PRKDC: variants seen among roughly 807,000 people sequenced by gnomAD.
PRKDC encodes DNA-dependent protein kinase catalytic subunit.
PRKDC carries 82 observed loss-of-function variants against 486.9 expected under a neutral mutation model. That is an observed-to-expected ratio of 0.17 (90% CI 0.14 to 0.20). PRKDC has a LOEUF of 0.20. PRKDC is among the 10% of genes least tolerant of loss of function. The probability of loss-of-function intolerance (pLI) is 1.00; values close to 1 mark genes in which losing one functional copy is unlikely to be tolerated. For missense variants in PRKDC, 4,504 were observed against 5,038.2 expected (o/e 0.89, Z 3.21); for synonymous variants, 1,895 against 1,837.0 (o/e 1.03, Z -0.81).
intron 16 of PRKDC, among the ~76,000 whole-genome samples, chr8:47,932,573 G>A (rs1023586720): frequency 1.3e-5 from 2 of 152,064 alleles, no homozygotes; most frequent in Non-Finnish European, 1.5e-5. Context: ...AAAAAAGGGA[G>A]GGCATTTTCT....
In PRKDC at chr8:47,807,172, T is replaced by C. The variant is rs769824325; in HGVS notation, c.9712A>G (p.Met3238Val). Residue 3238 changes from methionine to valine, a missense_variant, in exon 69 of 86, where the codon ATG becomes GTG. Met to Val is a conservative substitution (Grantham distance 21). This residue lies in a region of PRKDC where 1,592 missense variants were observed against 1,724.6 expected (regional missense o/e 0.92). Transcript: ENST00000314191. The stretch of plus-strand genomic sequence containing the variant: ...GCACTGTCTATCATCTTCATTTTCA[T>C]GGAAAACTTGCAACTCCTGATCAGG... Reference protein sequence around the residue: ...SSLIRSCKFSMKMKMIDSARK... With the variant: ...SSLIRSCKFSVKMKMIDSARK... 1.2e-6 allele frequency: 2 copies of C among 1,613,986 alleles called. No individual in the cohort carries two copies. The highest frequency in any genetic ancestry group is 1.1e-5 in the South Asian group (1 of 91,070).
intron 65 of PRKDC, among the ~76,000 whole-genome samples, chr8:47,821,337 G>A (rs893627526): frequency 6.6e-6 from 1 of 152,144 alleles, no homozygotes; most frequent in African/African-American, 2.4e-5. Context: ...TGTAATATAA[G>A]AGACAACAGG....
chr8:47,911,528 T>A (rs2089902791), intron 25 of PRKDC, among the ~76,000 whole-genome samples: 1 of 152,224 alleles, frequency 6.6e-6, no homozygotes, highest in South Asian at 2.1e-4. Context: ...TCACAGTGCA[T>A]CTGAACATAC....
chr8:47,860,232 G>A (rs2088645257), intron 45 of PRKDC, among the ~76,000 whole-genome samples: 1 of 152,196 alleles, frequency 6.6e-6, no homozygotes, highest in Non-Finnish European at 1.5e-5. Flanking sequence ...AGCATATAGA[G>A]GGATAGTGGA....
At chr8:47,868,141 A>G (rs1161999264) in intron 40 of PRKDC, among the ~76,000 whole-genome samples, 3 of 152,154 alleles carry the variant, frequency 2.0e-5, no homozygotes, top group Non-Finnish European at 4.4e-5. Flanking sequence ...ACTGGTCTAT[A>G]GTTTTCTTGT....
intron 1 of PRKDC, among the ~76,000 whole-genome samples, chr8:47,959,617 T>C (rs1420316383): frequency 2.0e-5 from 3 of 150,904 alleles, no homozygotes; most frequent in Non-Finnish European, 4.4e-5. Flanking sequence ...AGGCGGAGGT[T>C]GCAGTGAGCC....
intron 40 of PRKDC, among the ~76,000 whole-genome samples, chr8:47,871,842 C>T (rs1441395961): frequency 1.3e-5 from 2 of 152,176 alleles, no homozygotes; most frequent in Admixed American, 6.5e-5. Context: ...CCACCAGCCT[C>T]GGCCTCCCAA....
rs564617559 is a variant in PRKDC at position 47,918,382 on chromosome 8, A to G, written c.2421T>C (p.Asp807=). The G allele has an allele frequency of 3.9e-6, 6 of 1,555,614 alleles. No homozygotes were observed. In the African/African-American group the frequency reaches 6.8e-5, roughly 18 times the overall value. Residue 807 remains aspartate, a splice_region_variant and synonymous_variant, in exon 22 of 86, where the codon GAT becomes GAC. Transcript: ENST00000314191. The part of the protein sequence containing the change: ...DGYLKTSALS[D]ETKNNWEVSA... ...ACACTTCCCAGTTATTCTTGGTCTC[A>G]TCTATCAATAGTAAACGAAAATAAA...
chr8:47,890,327 T>C lies in PRKDC; in HGVS notation c.4001A>G (p.Lys1334Arg). The C allele has an allele frequency of 6.2e-7, 1 of 1,613,444 alleles. No homozygotes were observed. The highest frequency in any genetic ancestry group is 8.5e-7 in the Non-Finnish European group (1 of 1,179,836). ...CATAATCCGGACCACAACGGTGCATTTGCTGTAGTTGTACCTTTCTCCCTC... is the reference window on the plus strand; with the variant it reads ...CATAATCCGGACCACAACGGTGCATCTGCTGTAGTTGTACCTTTCTCCCTC... ...PQEGERYNYS[K>R]CTVVVRIMEF... The change falls in exon 32 of 86, where the codon AAA (lysine) becomes AGA (arginine). Residue 1334 changes from lysine to arginine, a missense_variant. Physicochemically the swap from Lys to Arg is conservative, Grantham distance 26 (BLOSUM62 2). Transcript: ENST00000314191.
chr8:47,900,630 G>C (rs1194343151), intron 27 of PRKDC, among the ~76,000 whole-genome samples, 163 bp from the exon 28 acceptor site: 1 of 152,324 alleles, frequency 6.6e-6, no homozygotes, highest in Admixed American at 6.5e-5. Context: ...GGGAGGCCGA[G>C]GCAGGTGGAT....
intron 69 of PRKDC, among the ~76,000 whole-genome samples, chr8:47,804,922 C>T (rs1429760362): frequency 2.0e-5 from 3 of 151,892 alleles, no homozygotes; most frequent in South Asian, 2.1e-4. Context: ...CCACCACATC[C>T]GGCTAATTTT....
At chr8:47,830,859 C>CT in intron 60 of PRKDC, 123 bp from the exon 61 acceptor site, 3 of 1,197,594 alleles carry the variant, frequency 2.5e-6, no homozygotes, top group Non-Finnish European at 3.6e-6. Context: ...AACTGATGCT[C>CT]GCAGAGGCTC....
intron 77 of PRKDC, 148 bp from the exon 78 acceptor site, chr8:47,783,957 T>TA (rs933317807): frequency 1.7e-4 from 128 of 769,132 alleles, no homozygotes; most frequent in African/African-American, 1.1e-3. Flanking sequence ...GAACTGACTT[T>TA]AAAAAAAATG....
chr8:47,890,234 C>T, intron 32 of PRKDC, 23 bp downstream of exon 32: 4 of 1,554,854 alleles, frequency 2.6e-6, no homozygotes, highest in Non-Finnish European at 3.5e-6. Flanking sequence ...AAAAACTGAC[C>T]TCAAATTAAC....
intron 68 of PRKDC, among the ~76,000 whole-genome samples, chr8:47,813,388 G>T (rs886477397): frequency 6.6e-6 from 1 of 151,790 alleles, no homozygotes; most frequent in Non-Finnish European, 1.5e-5. Context: ...AAAGTGCTGG[G>T]ATTACAGGTG....
chr8:47,936,794 T>C (rs1477367893), intron 11 of PRKDC, among the ~76,000 whole-genome samples: 1 of 150,730 alleles, frequency 6.6e-6, no homozygotes, highest in African/African-American at 2.4e-5. Flanking sequence ...TTTTTTTTTT[T>C]TTTTGTATTA....
chr8:47,911,904 G>T (rs2089910683), intron 25 of PRKDC, among the ~76,000 whole-genome samples: 1 of 151,906 alleles, frequency 6.6e-6, no homozygotes, highest in South Asian at 2.1e-4. Context: ...CAAGTAGCTG[G>T]GATTACAGAT....
chr8:47,876,098 GGATCA>G (rs2089087042), intron 40 of PRKDC, among the ~76,000 whole-genome samples: 1 of 152,164 alleles, frequency 6.6e-6, no homozygotes, highest in South Asian at 2.1e-4. Flanking sequence ...CGTGGAGCTA[GGATCA>G]GCAATGGCAG....
At chr8:47,902,051 G>A (rs1354135504) in intron 27 of PRKDC, among the ~76,000 whole-genome samples, 1 of 152,104 alleles carries the variant, frequency 6.6e-6, no homozygotes, top group Non-Finnish European at 1.5e-5. Flanking sequence ...TGTCACTAGC[G>A]GTGACCTACG....
Sources: gnomAD v4.1 joint callset for allele counts (sites outside exome capture counted in the v4.1 genomes callset) on GRCh38, gnomAD v4.1.1 for gene constraint, gnomAD v4.1.1 regional missense constraint, MANE v1.5 for transcripts, NCBI Gene and HGNC (gene_info 2026-07-23, HGNC 2026-07-21) for gene names.